The following LRP2 variants were observed in gnomAD, a reference collection of about 807,000 sequenced individuals.
LRP2 encodes low-density lipoprotein receptor-related protein 2.
In LRP2, 172 loss-of-function variants were observed where a neutral mutation model predicts 531.0. That is an observed-to-expected ratio of 0.32 (90% CI 0.29 to 0.37). The LOEUF (loss-of-function observed/expected upper bound fraction) is 0.37. LRP2 is among the 10% of genes least tolerant of loss of function. LRP2 has a pLI of 1.00. For synonymous variants in LRP2, 1,992 were observed against 2,027.6 expected (o/e 0.98, Z 0.47); for missense variants, 5,167 against 5,868.3 (o/e 0.88, Z 3.90).
In LRP2 at chr2:169,140,520, G is replaced by A; in HGVS notation, c.13134C>T (p.Pro4378=). 6.2e-7 allele frequency: 1 copy of A among 1,613,940 alleles called. No homozygotes were observed. Among genetic ancestry groups the A allele is most frequent in the South Asian group, 1.1e-5 (1 of 91,080 alleles). ...CTCCGTGCATGCACCTGCATGGGGG[G>A]GGCAGGTTGATAGGCAGTTCGATGG... ...DAAIELPINL[P]PPCRCMHGGN... Residue 4378 remains proline, a synonymous_variant, in exon 72 of 79, where the codon CCC becomes CCT. Coordinates refer to ENST00000649046, the MANE Select transcript of LRP2 (RefSeq NM_004525.3).
intron 3 of LRP2, among the ~76,000 whole-genome samples, chr2:169,316,749 G>A (rs1684774270): frequency 6.6e-6 from 1 of 152,152 alleles, no homozygotes; most frequent in Admixed American, 6.5e-5. Context: ...TGAGAATGGT[G>A]AGACTATCCT....
chr2:169,254,183 C>G (rs1167081545), intron 19 of LRP2, among the ~76,000 whole-genome samples: 1 of 38,896 alleles, frequency 2.6e-5, no homozygotes, highest in Non-Finnish European at 4.2e-5. Context: ...GCTATAAAGA[C>G]ACATGCACAC....
rs370576513 is a variant in LRP2 at position 169,212,230 on chromosome 2, T to C, written c.6041-23A>G. The C allele has an allele frequency of 5.0e-6, 8 of 1,613,762 alleles. No individual in the cohort carries two copies. The African/African-American group carries it at 1.1e-4, about 22-fold the overall frequency. ...CATCTAAATGAAAACAAAATCCATT[T>C]GTAACTTTTGATCCTAGCTACTCGC... On this transcript the variant is annotated intron_variant, in intron 36 of 78. Transcript: ENST00000649046.
Position 169,173,872 on chromosome 2 carries a change from G to A in LRP2, c.11014+47C>T, listed in dbSNP as rs752816274. 2.5e-5 allele frequency: 41 copies of A among 1,612,104 alleles called. 1 individual carries two copies. Among genetic ancestry groups the A allele is most frequent in the Middle Eastern group, 1.7e-4 (1 of 5,800 alleles). On this transcript the variant is annotated intron_variant, in intron 56 of 78. Transcript: ENST00000649046. ...TCTCAGTCCCCATGGAAGTTTCCTC[G>A]TGTCTCCCTGCTCTGGTCATGCCTT... is the stretch of plus-strand genomic sequence containing the variant.
chr2:169,189,028 C>A (rs1036763628), intron 48 of LRP2, among the ~76,000 whole-genome samples: 13 of 152,150 alleles, frequency 8.5e-5, no homozygotes, highest in Admixed American at 3.3e-4. Flanking sequence ...CATACACAGG[C>A]ATCATTATAA....
chr2:169,325,955 G>C (rs189220808), intron 1 of LRP2, among the ~76,000 whole-genome samples: 22 of 152,068 alleles, frequency 1.4e-4, no homozygotes, highest in African/African-American at 5.1e-4. Context: ...GCAAATTGAT[G>C]CATTATCATG....
chr2:169,338,380 GAAAGAAAGAA>G (rs1448652037), intron 1 of LRP2, among the ~76,000 whole-genome samples: 3 of 115,006 alleles, frequency 2.6e-5, no homozygotes, highest in East Asian at 6.9e-4. Context: ...AAGAAAGAAA[GAAAGAAAGAA>G]AGAAAGAAAG....
chr2:169,256,089 A>T lies in LRP2; in HGVS notation c.2770+17T>A, dbSNP rs772534663. On this transcript the variant is annotated intron_variant, in intron 19 of 78. Transcript: ENST00000649046. The stretch of plus-strand genomic sequence containing the variant: ...ATGTATAAAAACAATACATACTTTT[A>T]TTGCTTTAAAACATACCTCCAAAGA... The T allele has an allele frequency of 1.1e-5, 17 of 1,611,850 alleles. No individual in the cohort carries two copies. The Admixed American group carries it at 2.7e-4, about 25-fold the overall frequency.
In LRP2 at chr2:169,241,158, C is replaced by T. The variant is rs1336938321; in HGVS notation, c.3875G>A (p.Arg1292Gln). Residue 1292 changes from arginine (R) to glutamine (Q), a missense_variant, in exon 25 of 79, where the codon CGG (arginine) becomes CAG (glutamine). By Grantham distance (43) the Arg-to-Gln change is conservative (BLOSUM62 1). This residue lies in a region of LRP2 where 2,811 missense variants were observed against 3,058.0 expected (regional missense o/e 0.92). Transcript: ENST00000649046. The part of the protein sequence containing the change: ...NCIHRAWLCD[R>Q]DNDCGDMSDE... ...ACTCATATCCCCGCAGTCATTGTCC[C>T]GATCACAGAGCCATGCCCTGTGGAT... 6 of 1,614,046 alleles carry T rather than the reference C, an allele frequency of 3.7e-6. No individual in the cohort carries two copies. The highest frequency in any genetic ancestry group is 1.3e-5 in the African/African-American group (1 of 74,928).
chr2:169,157,196 A>C (rs537583785), intron 64 of LRP2, among the ~76,000 whole-genome samples, 175 bp downstream of exon 64: 1 of 152,274 alleles, frequency 6.6e-6, no homozygotes, highest in African/African-American at 2.4e-5. Context: ...GTCAGATAGC[A>C]TGCATGCAGG....
chr2:169,326,869 C>T (rs1423443312), intron 1 of LRP2, among the ~76,000 whole-genome samples: 3 of 151,262 alleles, frequency 2.0e-5, no homozygotes, highest in East Asian at 2.0e-4. Context: ...TGCCCCGCCG[C>T]CCCGTCTGGG....
At chr2:169,349,346 G>A (rs1005326856) in intron 1 of LRP2, among the ~76,000 whole-genome samples, 1 of 152,076 alleles carries the variant, frequency 6.6e-6, no homozygotes, top group African/African-American at 2.4e-5. Flanking sequence ...TTAGGAAAAA[G>A]GGGGGCAAGT....
chr2:169,214,538 C>T (rs1390568497), intron 35 of LRP2, among the ~76,000 whole-genome samples: 6 of 151,870 alleles, frequency 4.0e-5, no homozygotes, highest in Non-Finnish European at 5.9e-5. Flanking sequence ...TGGGTATTGG[C>T]GAGAGACACA....
rs368578097 is a variant in LRP2, at chr2:169,211,042, T to C, written c.6280+926A>G. On this transcript the variant is annotated intron_variant, in intron 37 of 78. Transcript: ENST00000649046. The stretch of plus-strand genomic sequence containing the variant: ...TGAAAAGCTGGGAGAAAAAAACTAT[T>C]GAATTTGTCATATCTGTACAAGATG... 1.7e-3 allele frequency among the ~76,000 whole-genome samples: 265 copies of C among 152,258 alleles called. 3 individuals carry two copies. The highest frequency in any genetic ancestry group is 6.0e-3 in the African/African-American group (251 of 41,540).
chr2:169,163,452 A>G (rs901519612), intron 62 of LRP2, among the ~76,000 whole-genome samples: 1 of 152,246 alleles, frequency 6.6e-6, no homozygotes, highest in Non-Finnish European at 1.5e-5. Context: ...CGAAGGCCCA[A>G]TAAAACCTCC....
intron 1 of LRP2, among the ~76,000 whole-genome samples, chr2:169,335,712 T>C (rs945680050): frequency 6.6e-6 from 1 of 151,968 alleles, no homozygotes; most frequent in African/African-American, 2.4e-5. Flanking sequence ...GAATTTCAAA[T>C]TTTTCCTAAA....
chr2:169,338,413 G>GAAAGAAAGAAAGAAAGA (rs1685479696), intron 1 of LRP2, among the ~76,000 whole-genome samples: 1 of 117,068 alleles, frequency 8.5e-6, no homozygotes. Flanking sequence ...AGAAAGAAAA[G>GAAAGAAAGAAAGAAAGA]AAAAGAAAAG....
chr2:169,327,793 T>C (rs1448812752), intron 1 of LRP2, among the ~76,000 whole-genome samples: 32 of 58,702 alleles, frequency 5.5e-4, no homozygotes, highest in Middle Eastern at 0.017. Flanking sequence ...CCGCCCCGTC[T>C]GGGAGGTGAG....
At position 169,146,045 on chromosome 2, in the gene LRP2, T is replaced by C. The variant is rs1044487861; in HGVS notation, c.12812-122A>G. ...TGAATTATTCCCTCATACAATGCCT[T>C]GAAGCTCTGGGAATATTCAGGCTGA... On this transcript the variant is annotated intron_variant, in intron 69 of 78. Transcript: ENST00000649046. The C allele has an allele frequency of 5.6e-6, 5 of 898,526 alleles. No homozygotes were observed. In the African/African-American group the frequency reaches 6.6e-5, roughly 12 times the overall value. 55.7% of individuals were successfully genotyped at this position (898,526 alleles called of 1,614,324 possible). A position where few individuals can be genotyped will look rare whatever the true frequency, so the allele number is the denominator to read the frequency against.
Sources: gnomAD v4.1 joint callset for allele counts (sites outside exome capture counted in the v4.1 genomes callset) on GRCh38, gnomAD v4.1.1 for gene constraint, gnomAD v4.1.1 regional missense constraint, MANE v1.5 for transcripts, NCBI Gene and HGNC (gene_info 2026-07-23, HGNC 2026-07-21) for gene names.